CNBD1: variants seen among roughly 807,000 people sequenced by gnomAD.
The protein encoded by CNBD1 is cyclic nucleotide-binding domain-containing protein 1.
In CNBD1, 71 loss-of-function variants were observed where a neutral mutation model predicts 54.4. The observed-to-expected ratio is 1.30, with a 90% CI of 1.08 to 1.59. CNBD1 has a LOEUF of 1.59. Ranked by LOEUF, CNBD1 falls within the 40% of genes most tolerant of loss-of-function variation. The pLI, the probability that CNBD1 is intolerant of heterozygous loss-of-function variation, is 0.00. For synonymous variants in CNBD1, 182 were observed against 170.7 expected (o/e 1.07, Z -0.51); for missense variants, 659 against 518.0 (o/e 1.27, Z -2.64).
rs150561883 is a variant in CNBD1 at position 87,355,540 on chromosome 8, G to T, written c.1303+1754G>T. Among the ~76,000 whole-genome samples the T allele has an allele frequency of 2.3e-3, 353 of 152,038 alleles. 2 individuals carry two copies. The highest frequency in any genetic ancestry group is 7.2e-3 in the African/African-American group (298 of 41,474). ...TCCAAATACTATAAATACTCAAATTGGAAATACAATTGAGTATGAAGGAGA... is the reference window on the plus strand; with the variant it reads ...TCCAAATACTATAAATACTCAAATTTGAAATACAATTGAGTATGAAGGAGA... On this transcript the variant is annotated intron_variant, in intron 10 of 10. Transcript: ENST00000518476.
Position 87,335,575 on chromosome 8 carries a change from C to T in CNBD1, c.1043-16110C>T, listed in dbSNP as rs1380222778. Among the ~76,000 whole-genome samples the T allele has an allele frequency of 2.6e-5, 4 of 152,184 alleles. No homozygotes were observed. In the East Asian group the frequency reaches 5.8e-4, roughly 22 times the overall value. ...TTTTTTGGTAAATTTTCCTCCATCCCTTTATTTTGAGCCTACGTGTGTCTT... is the reference window on the plus strand; with the variant it reads ...TTTTTTGGTAAATTTTCCTCCATCCTTTTATTTTGAGCCTACGTGTGTCTT... On this transcript the variant is annotated intron_variant, in intron 8 of 10. Coordinates refer to ENST00000518476, the MANE Select transcript of CNBD1 (RefSeq NM_173538.3).
chr8:86,989,992 ATCT>A (rs1808708262), intron 4 of CNBD1, among the ~76,000 whole-genome samples: 2 of 152,176 alleles, frequency 1.3e-5, no homozygotes, highest in African/African-American at 4.8e-5. Flanking sequence ...CCATGTGTGT[ATCT>A]TCTTATGATA....
rs570513540 is a variant in CNBD1 at position 87,389,382 on chromosome 8, T to A, written c.213+35596T>A. Among the ~76,000 whole-genome samples the A allele has an allele frequency of 3.3e-5, 5 of 152,322 alleles. No homozygotes were observed. In the East Asian group the frequency reaches 7.7e-4, roughly 24 times the overall value. On this transcript the variant is annotated intron_variant, in intron 2 of 7. Transcript: ENST00000521593. ...GTCTCAGCCCAAAATCTCTTCAAGC[T>A]GATAGGCAACTTCAGGAAAGTCTCA...
At chr8:87,417,268 C>G (rs1807853420) in intron 2 of CNBD1, among the ~76,000 whole-genome samples, 1 of 151,892 alleles carries the variant, frequency 6.6e-6, no homozygotes, top group African/African-American at 2.4e-5. Flanking sequence ...ACCATCAGAT[C>G]TCATGAGGCC....
At chr8:87,040,552 T>C (rs1810045763) in intron 4 of CNBD1, among the ~76,000 whole-genome samples, 1 of 151,618 alleles carries the variant, frequency 6.6e-6, no homozygotes, top group Non-Finnish European at 1.5e-5. Flanking sequence ...GCCTCCCATG[T>C]AGCTGGGACT....
At chr8:87,157,073 A>C (rs938665617) in intron 4 of CNBD1, among the ~76,000 whole-genome samples, 1 of 152,164 alleles carries the variant, frequency 6.6e-6, no homozygotes, top group African/African-American at 2.4e-5. Context: ...AAGTCTCTGC[A>C]TGCATGAGTT....
At chr8:87,403,556 G>A (rs1315986665) in intron 2 of CNBD1, among the ~76,000 whole-genome samples, 1 of 151,960 alleles carries the variant, frequency 6.6e-6, no homozygotes, top group Admixed American at 6.6e-5. Context: ...GAGATTTTCT[G>A]AATGTTGCTT....
intron 6 of CNBD1, among the ~76,000 whole-genome samples, chr8:87,269,251 G>C (rs1232688140): frequency 1.3e-5 from 2 of 151,882 alleles, no homozygotes; most frequent in African/African-American, 4.8e-5. Flanking sequence ...CTTTATTTCT[G>C]CATTTTCTAT....
downstream of CNBD1, among the ~76,000 whole-genome samples, chr8:87,386,512 C>A (rs1434239709): frequency 6.6e-6 from 1 of 151,896 alleles, no homozygotes; most frequent in Non-Finnish European, 1.5e-5. Flanking sequence ...GAATGGGTAT[C>A]AGTGATTGAA....
At chr8:87,378,204 T>C (rs1586062823) in intron 10 of CNBD1, among the ~76,000 whole-genome samples, 1 of 142,034 alleles carries the variant, frequency 7.0e-6, no homozygotes, top group South Asian at 2.2e-4. Flanking sequence ...TTGCTTTTGG[T>C]GTTTTAGACA....
At chr8:87,259,844 A>G (rs1808099263) in intron 6 of CNBD1, among the ~76,000 whole-genome samples, 1 of 152,188 alleles carries the variant, frequency 6.6e-6, no homozygotes, top group Non-Finnish European at 1.5e-5. Flanking sequence ...TTTTAACCAC[A>G]GGACTCTTTA....
At chr8:87,250,406 C>T (rs1220083380) in intron 6 of CNBD1, among the ~76,000 whole-genome samples, 1 of 152,136 alleles carries the variant, frequency 6.6e-6, no homozygotes, top group Non-Finnish European at 1.5e-5. Context: ...CTATGGAGAA[C>T]AGTATGGGAG....
intron 2 of CNBD1, among the ~76,000 whole-genome samples, chr8:87,418,143 G>T (rs1807866039): frequency 6.6e-6 from 1 of 151,864 alleles, no homozygotes; most frequent in African/African-American, 2.4e-5. Context: ...CACTTTCAGG[G>T]TATGCATCTG....
intron 10 of CNBD1, among the ~76,000 whole-genome samples, chr8:87,362,447 C>A (rs1170330236): frequency 6.6e-6 from 1 of 152,034 alleles, no homozygotes; most frequent in Non-Finnish European, 1.5e-5. Context: ...TGATTATCTA[C>A]AAAAAAATTT....
intron 4 of CNBD1, among the ~76,000 whole-genome samples, chr8:86,955,410 T>C (rs1010273056): frequency 1.5e-4 from 23 of 152,346 alleles, no homozygotes; most frequent in African/African-American, 5.1e-4. Flanking sequence ...ATAGCCACAC[T>C]GTCTTCCACC....
intron 2 of CNBD1, among the ~76,000 whole-genome samples, chr8:87,393,918 GA>G (rs200195959): frequency 0.021 from 3,185 of 151,702 alleles, 114 homozygotes; most frequent in African/African-American, 0.072. Context: ...AGAAAATAGT[GA>G]ATAAAAAAAC....
At chr8:86,869,872 G>A (rs1808417279) in intron 1 of CNBD1, among the ~76,000 whole-genome samples, 1 of 151,968 alleles carries the variant, frequency 6.6e-6, no homozygotes, top group South Asian at 2.1e-4. Flanking sequence ...TTAATGGAAG[G>A]CAAGAAGCTG....
At chr8:87,397,427 A>G (rs1811429562) in intron 2 of CNBD1, among the ~76,000 whole-genome samples, 1 of 151,932 alleles carries the variant, frequency 6.6e-6, no homozygotes, top group African/African-American at 2.4e-5. Context: ...GCAAGACATG[A>G]TATTCGGGCA....
At chr8:87,343,603 G>C (rs1286171090) in intron 8 of CNBD1, among the ~76,000 whole-genome samples, 2 of 152,080 alleles carry the variant, frequency 1.3e-5, no homozygotes, top group African/African-American at 4.8e-5. Context: ...TGTTGTTTAG[G>C]CTTTCAATTA....
Sources: gnomAD v4.1 joint callset for allele counts (sites outside exome capture counted in the v4.1 genomes callset) on GRCh38, gnomAD v4.1.1 for gene constraint, MANE v1.5 for transcripts, NCBI Gene and HGNC (gene_info 2026-07-23, HGNC 2026-07-21) for gene names.